Variants in MTMR14 observed in about 807,000 individuals in gnomAD.
MTMR14 encodes the protein phosphatidylinositol-3,5-bisphosphate 3-phosphatase MTMR14.
A neutral mutation model predicts 86.3 loss-of-function variants in MTMR14; 48 were observed. The observed-to-expected ratio is 0.56, with a 90% confidence interval of 0.44 to 0.71. The LOEUF (loss-of-function observed/expected upper bound fraction) is 0.71. MTMR14 is among the 30% of genes least tolerant of loss of function. The pLI is 0.00. For synonymous variants in MTMR14, 366 were observed against 326.1 expected (o/e 1.12, Z -1.32); for missense variants, 780 against 834.6 (o/e 0.93, Z 0.81).
At position 9,701,849 on chromosome 3, in the gene MTMR14, C is replaced by A; in HGVS notation, c.1829C>A (p.Ala610Asp). 6.2e-7 allele frequency: 1 copy of A among 1,613,900 alleles called. No individual in the cohort carries two copies. The highest frequency in any genetic ancestry group is 8.5e-7 in the Non-Finnish European group (1 of 1,180,050). The stretch of plus-strand genomic sequence containing the variant: ...CAGGAGGTGCGCTCAGCCTTCTTGG[C>A]TGCGTACAGCAGCACAGTGGGGCTT... The part of the protein sequence containing the change: ...RLQEVRSAFL[A>D]AYSSTVGLRA... The change falls in exon 19 of 19, where the codon GCT becomes GAT. Residue 610 changes from alanine to aspartate, a missense_variant. Physicochemically the swap from Ala to Asp is moderately radical, Grantham distance 126. Transcript: ENST00000296003. This position sits in a 1 kb window ranked among gnomAD's most constrained non-coding sequence, Gnocchi z 4.2.
At chr3:9,657,704 C>A (rs2047691684) in intron 2 of MTMR14, among the ~76,000 whole-genome samples, 1 of 152,130 alleles carries the variant, frequency 6.6e-6, no homozygotes, top group Non-Finnish European at 1.5e-5. Flanking sequence ...GCGCGTGCCA[C>A]CATGCCCGGC....
Position 9,672,049 on chromosome 3 carries a change from GA to G in MTMR14, c.678-629del, listed in dbSNP as rs545665221. On this transcript the variant is annotated intron_variant, in intron 6 of 18. Coordinates refer to ENST00000296003, the MANE Select transcript of MTMR14 (RefSeq NM_001077525.3). ...GACTATTAGAGAAGACAGGAGAGCAGAAAAAAAGGGTTCCCATAGGATCATA... is the reference window on the plus strand; with the variant it reads ...GACTATTAGAGAAGACAGGAGAGCAGAAAAAAGGGTTCCCATAGGATCATA... 4.4e-4 allele frequency among the ~76,000 whole-genome samples: 67 copies of G among 152,044 alleles called. 1 individual carries two copies. The South Asian group carries it at 8.1e-3, about 18-fold the overall frequency.
rs73113514 is a variant in MTMR14, at chr3:9,677,606, G to A, written c.822+219G>A. On this transcript the variant is annotated intron_variant, in intron 8 of 18. Coordinates refer to ENST00000296003, the MANE Select transcript of MTMR14 (RefSeq NM_001077525.3). The surrounding 1 kb of genome is among the most constrained non-coding windows in gnomAD (Gnocchi z 4.2). ...TTCCTCCCCCCTTTATTTCTCTTTT[G>A]TTTAAGGGAATTTTTCAGAAACAAG... Among the ~76,000 whole-genome samples, 3,817 of 151,444 alleles carry A rather than the reference G, an allele frequency of 0.025. 88 individuals are homozygous for A. Among genetic ancestry groups the A allele is most frequent in the African/African-American group, 0.068 (2,785 of 41,234 alleles).
intron 2 of MTMR14, among the ~76,000 whole-genome samples, chr3:9,660,354 G>C (rs917627500): frequency 1.3e-5 from 2 of 152,094 alleles, no homozygotes; most frequent in Non-Finnish European, 2.9e-5. Flanking sequence ...TGCCTCCCGG[G>C]TTCAAGCAGT....
chr3:9,690,216 C>A, intron 17 of MTMR14, 73 bp downstream of exon 17: 1 of 1,525,522 alleles, frequency 6.6e-7, no homozygotes, highest in Non-Finnish European at 9.0e-7. Flanking sequence ...GGGTCGGGGG[C>A]CAGCACCTGA....
intron 18 of MTMR14, chr3:9,700,450 C>T (rs902898114): frequency 6.6e-6 from 1 of 152,116 alleles, no homozygotes; most frequent in African/African-American, 2.4e-5. Flanking sequence ...TATTAAAGGC[C>T]CTTGGGGATG....
chr3:9,669,361 C>G, intron 4 of MTMR14, 71 bp from the exon 5 acceptor site: 4 of 1,514,164 alleles, frequency 2.6e-6, no homozygotes, highest in Non-Finnish European at 3.6e-6. Flanking sequence ...GGGAAGGAGG[C>G]TGGTGAGGAG....
Position 9,662,072 on chromosome 3 carries a change from C to T in MTMR14, c.309-195C>T, listed in dbSNP as rs191482063. ...CACTGCACTCTAGCCTGGGCAACAA[C>T]AGTGAAACTCCGTCTCAAAAAAATA... On this transcript the variant is annotated intron_variant, in intron 2 of 18. Transcript: ENST00000296003. 2.0e-5 allele frequency among the ~76,000 whole-genome samples: 3 copies of T among 151,556 alleles called. No homozygotes were observed. In the East Asian group the frequency reaches 5.8e-4, roughly 30 times the overall value.
At chr3:9,652,966 G>A (rs144586350) in intron 1 of MTMR14, among the ~76,000 whole-genome samples, 2 of 152,094 alleles carry the variant, frequency 1.3e-5, no homozygotes, top group South Asian at 2.1e-4. Context: ...GCCGGGTGCC[G>A]TGGCTCACGC....
intron 7 of MTMR14, among the ~76,000 whole-genome samples, chr3:9,676,708 G>C (rs2075591947): frequency 6.6e-6 from 1 of 152,224 alleles, no homozygotes; most frequent in Non-Finnish European, 1.5e-5. Context: ...CTCTGTTCCT[G>C]AGGGCTTGTC....
chr3:9,674,577 C>A (rs1162965633), intron 7 of MTMR14, among the ~76,000 whole-genome samples: 1 of 151,936 alleles, frequency 6.6e-6, no homozygotes, highest in Non-Finnish European at 1.5e-5. Context: ...TGCTTGAGCC[C>A]AGGAGTTCAA....
chr3:9,662,248 T>A lies in MTMR14; in HGVS notation c.309-19T>A. 2 of 1,609,514 alleles carry A rather than the reference T, an allele frequency of 1.2e-6. No homozygotes were observed. Among genetic ancestry groups the A allele is most frequent in the Non-Finnish European group, 1.7e-6 (2 of 1,177,026 alleles). ...CACTTCAAAGTCAGCTTGACCTGCT[T>A]CTCTTGCCTGTGTGTTAGGTTTGAG... On this transcript the variant is annotated intron_variant, in intron 2 of 18. Coordinates refer to ENST00000296003, the MANE Select transcript of MTMR14 (RefSeq NM_001077525.3).
chr3:9,657,030 A>G (rs934492793), intron 2 of MTMR14, among the ~76,000 whole-genome samples: 1 of 151,928 alleles, frequency 6.6e-6, no homozygotes, highest in African/African-American at 2.4e-5. Flanking sequence ...CTCCCACCTC[A>G]GCCTCCCAAG....
intron 1 of MTMR14, among the ~76,000 whole-genome samples, chr3:9,650,069 C>T (rs999117827): frequency 6.6e-6 from 1 of 151,956 alleles, no homozygotes; most frequent in Non-Finnish European, 1.5e-5. Flanking sequence ...GCTTCAGGTG[C>T]CGTAGGATGA....
intron 17 of MTMR14, among the ~76,000 whole-genome samples, chr3:9,694,120 AG>A (rs1236697309): frequency 9.9e-5 from 15 of 152,108 alleles, no homozygotes; most frequent in Admixed American, 4.6e-4. Flanking sequence ...CTCCCGTTGG[AG>A]GTTACGTGGT....
chr3:9,653,857 A>G (rs962880341), intron 2 of MTMR14, 88 bp downstream of exon 2: 33 of 1,549,366 alleles, frequency 2.1e-5, no homozygotes, highest in Non-Finnish European at 2.8e-5. Flanking sequence ...TGGGCAGGGC[A>G]GAATCACTTT....
At position 9,653,849 on chromosome 3, in the gene MTMR14, G is replaced by A. The variant is rs147672064; in HGVS notation, c.308+80G>A. 9.6e-4 allele frequency: 1,526 copies of A among 1,581,800 alleles called. 3 individuals are homozygous for A. Among genetic ancestry groups the A allele is most frequent in the Middle Eastern group, 3.0e-3 (18 of 5,916 alleles). ...CCTGTGGCCAGGAAGTCTGTAGCTGGGCAGGGCAGAATCACTTTCCCCAGG... is the reference window on the plus strand; with the variant it reads ...CCTGTGGCCAGGAAGTCTGTAGCTGAGCAGGGCAGAATCACTTTCCCCAGG... On this transcript the variant is annotated intron_variant, in intron 2 of 18. Transcript: ENST00000296003.
At chr3:9,665,166 C>T (rs899272670) in intron 3 of MTMR14, among the ~76,000 whole-genome samples, 9 of 151,806 alleles carry the variant, frequency 5.9e-5, no homozygotes, top group Non-Finnish European at 8.8e-5. Context: ...CCTATAATCC[C>T]AGCTACTCCG....
At position 9,684,679 on chromosome 3, in the gene MTMR14, G is replaced by T; in HGVS notation, c.1050+9G>T. The T allele has an allele frequency of 6.2e-7, 1 of 1,613,992 alleles. No individual in the cohort carries two copies. Among genetic ancestry groups the T allele is most frequent in the Non-Finnish European group, 8.5e-7 (1 of 1,179,856 alleles). ...GCCTTTCCTTGTGGGCTGTGAGTATGAATCGGCCCCTACCAAGCTCTGCTC... is the reference window on the plus strand; with the variant it reads ...GCCTTTCCTTGTGGGCTGTGAGTATTAATCGGCCCCTACCAAGCTCTGCTC... On this transcript the variant is annotated intron_variant, in intron 11 of 18. Transcript: ENST00000296003.
Sources: gnomAD v4.1 joint callset for allele counts (sites outside exome capture counted in the v4.1 genomes callset) on GRCh38, gnomAD v4.1.1 for gene constraint, Gnocchi (gnomAD v3.1) non-coding constraint, MANE v1.5 for transcripts, NCBI Gene and HGNC (gene_info 2026-07-23, HGNC 2026-07-21) for gene names.